UTY: variants seen among roughly 807,000 people sequenced by gnomAD.
The protein encoded by UTY is ubiquitously transcribed tetratricopeptide repeat containing, Y-linked, also known as histone demethylase UTY.
UTY carries 12 observed loss-of-function variants against 32.5 expected under a neutral mutation model. The ratio of observed to expected loss-of-function variants is 0.37; its 90% CI spans 0.24 to 0.60. The LOEUF (loss-of-function observed/expected upper bound fraction) is 0.60. UTY is among the 20% of genes least tolerant of loss of function. UTY has a pLI of 0.69. For synonymous variants in UTY, 131 were observed against 103.4 expected (o/e 1.27, Z -1.62); for missense variants, 303 against 299.2 (o/e 1.01, Z -0.09).
intron 2 of UTY, among the ~76,000 whole-genome samples, chrY:13,470,963 A>G (rs563600393): frequency 3.0e-5 from 1 of 33,227 alleles, no homozygotes; most frequent in Non-Finnish European, 7.4e-5. Context: ...ATTTCACACA[A>G]ACTTTGGTGG....
chrY:13,380,218 T>C, intron 8 of UTY, among the ~76,000 whole-genome samples: 1 of 25,025 alleles, frequency 4.0e-5, no homozygotes, highest in African/African-American at 1.6e-4. Context: ...GACACAGATG[T>C]TGCGAATATT....
intron 4 of UTY, among the ~76,000 whole-genome samples, chrY:13,427,519 G>T (rs2073462931): frequency 1.2e-4 from 4 of 33,147 alleles, no homozygotes; most frequent in Admixed American, 1.1e-3. Flanking sequence ...CACAAAAATG[G>T]AAAACAAGGA....
At chrY:13,406,743 ATATT>A (rs2070100820) in intron 6 of UTY, among the ~76,000 whole-genome samples, 1 of 29,573 alleles carries the variant, frequency 3.4e-5, no homozygotes, top group Non-Finnish European at 8.1e-5. Context: ...AAAATACTGT[ATATT>A]TATATATATA....
At chrY:13,324,182 C>T (rs2060028889) in intron 20 of UTY, among the ~76,000 whole-genome samples, 2 of 31,908 alleles carry the variant, frequency 6.3e-5, no homozygotes, top group African/African-American at 1.2e-4. Flanking sequence ...AACCTGACAC[C>T]GGAGACTCAT....
At chrY:13,300,529 G>C in intron 25 of UTY, among the ~76,000 whole-genome samples, 1 of 33,222 alleles carries the variant, frequency 3.0e-5, no homozygotes, top group Non-Finnish European at 7.4e-5. Context: ...ACGTTGCAGT[G>C]AGCTGAGATC....
intron 27 of UTY, among the ~76,000 whole-genome samples, chrY:13,296,135 C>G: frequency 2.9e-5 from 1 of 33,914 alleles, no homozygotes; most frequent in Admixed American, 2.6e-4. Context: ...TAGGTAGAAG[C>G]TGCCAAGGTT....
intron 27 of UTY, among the ~76,000 whole-genome samples, chrY:13,292,415 C>T (rs2057807201): frequency 3.7e-5 from 1 of 27,145 alleles, no homozygotes; most frequent in Admixed American, 3.4e-4. Flanking sequence ...CGCCCCTGCA[C>T]TCCAGCCTGG....
intron 18 of UTY, among the ~76,000 whole-genome samples, chrY:13,334,751 TGTA>T (rs2060937682): frequency 3.0e-5 from 1 of 33,714 alleles, no homozygotes; most frequent in African/African-American, 1.2e-4. Context: ...TTAGTGGGAA[TGTA>T]AACTAGTTCA....
At chrY:13,351,705 T>C in intron 17 of UTY, among the ~76,000 whole-genome samples, 1 of 33,871 alleles carries the variant, frequency 3.0e-5, no homozygotes, top group African/African-American at 1.2e-4. Context: ...GTACTGTTTA[T>C]TTCTGGAACT....
At chrY:13,278,200 G>T in intron 27 of UTY, among the ~76,000 whole-genome samples, 1 of 33,465 alleles carries the variant, frequency 3.0e-5, no homozygotes, top group Non-Finnish European at 7.4e-5. Flanking sequence ...TTCAACATCT[G>T]CAGGCTACAG....
chrY:13,322,517 C>A, intron 21 of UTY, among the ~76,000 whole-genome samples: 3 of 33,145 alleles, frequency 9.1e-5, no homozygotes, highest in Non-Finnish European at 1.5e-4. Context: ...CTCCTGACCC[C>A]AAGTGATCCG....
chrY:13,339,427 G>A, intron 17 of UTY, among the ~76,000 whole-genome samples: 1 of 33,260 alleles, frequency 3.0e-5, no homozygotes, highest in African/African-American at 1.2e-4. Flanking sequence ...CATCTAAACC[G>A]TGCTAAGGAT....
intron 4 of UTY, among the ~76,000 whole-genome samples, chrY:13,448,115 G>A: frequency 3.0e-5 from 1 of 33,696 alleles, no homozygotes; most frequent in East Asian, 7.6e-4. Flanking sequence ...TTAAAGATCT[G>A]TTTCTCTATA....
At chrY:13,407,235 G>C (rs2070180701) in intron 6 of UTY, among the ~76,000 whole-genome samples, 1 of 31,893 alleles carries the variant, frequency 3.1e-5, no homozygotes, top group Non-Finnish European at 7.8e-5. Flanking sequence ...CCTATAGTGA[G>C]AGATAATAAA....
intron 28 of UTY, among the ~76,000 whole-genome samples, chrY:13,241,231 TATAC>T (rs2053897318): frequency 6.2e-5 from 2 of 32,236 alleles, no homozygotes; most frequent in South Asian, 6.9e-4. Flanking sequence ...CTGTGGAAAC[TATAC>T]ATACATGGCA....
chrY:13,324,507 C>T, intron 20 of UTY, 94 bp downstream of exon 20: 1 of 229,456 alleles, frequency 4.4e-6, no homozygotes, highest in East Asian at 1.1e-4. Flanking sequence ...AATAAAGACT[C>T]AGAATGTTGG....
chrY:13,300,272 C>T, intron 25 of UTY, among the ~76,000 whole-genome samples: 1 of 33,011 alleles, frequency 3.0e-5, no homozygotes, highest in Non-Finnish European at 7.5e-5. Flanking sequence ...CCAGATTTTC[C>T]GTATTGTTGC....
In UTY at chrY:13,324,695, T is replaced by C. The variant is rs751179764; in HGVS notation, c.2976A>G (p.Lys992=). The change falls in exon 20 of 30, where the codon AAA becomes AAG. Residue 992 remains lysine, a synonymous_variant. Transcript: ENST00000545955. The part of the protein sequence containing the change: ...PPTPSIYLEN[K]RDAFFPPLHQ... ...GTAATGGAGGAAAGAAAGCATCACGTTTATTTTCCAACTGTAAAAGCAAAA... is the reference window on the plus strand; with the variant it reads ...GTAATGGAGGAAAGAAAGCATCACGCTTATTTTCCAACTGTAAAAGCAAAA... The C allele has an allele frequency of 2.5e-6, 1 of 396,235 alleles. No homozygotes were observed. The highest frequency in any genetic ancestry group is 3.5e-6 in the Non-Finnish European group (1 of 282,051).
intron 17 of UTY, among the ~76,000 whole-genome samples, chrY:13,343,091 A>C: frequency 3.0e-5 from 1 of 33,305 alleles, no homozygotes; most frequent in Non-Finnish European, 7.4e-5. Flanking sequence ...AGACATGACA[A>C]AGCCTTTTTA....
Sources: allele counts gnomAD v4.1 joint callset (sites outside exome capture counted in the v4.1 genomes callset), GRCh38; gene constraint gnomAD v4.1.1; transcripts MANE v1.5; gene names NCBI Gene and HGNC (gene_info 2026-07-23, HGNC 2026-07-21).